The following SLX4 variants were observed in gnomAD, a reference collection of about 807,000 sequenced individuals.
SLX4 encodes the protein SLX4 structure-specific endonuclease subunit.
In SLX4, 112 loss-of-function variants were observed where a neutral mutation model predicts 146.2. The observed-to-expected ratio is 0.77, with a 90% CI of 0.66 to 0.90. SLX4 has a LOEUF of 0.90. Ranked by LOEUF, SLX4 falls within the 40% of genes least tolerant of loss-of-function variation. SLX4 has a pLI of 0.00. For missense variants in SLX4, 2,563 were observed against 2,392.7 expected (o/e 1.07, Z -1.49); for synonymous variants, 1,061 against 997.7 (o/e 1.06, Z -1.20).
chr16:3,589,635 C>CA lies in SLX4; in HGVS notation c.4002_4003insT (p.Gly1335TrpfsTer57). On this transcript the variant is annotated frameshift_variant, in exon 12 of 15. Transcript: ENST00000294008. LOFTEE classifies it high-confidence loss of function. This position sits in a 1 kb window ranked among gnomAD's most constrained non-coding sequence, Gnocchi z 6.2. ...GGGCTTCTGTGGCCTTGCCTTCTGC[C>CA]GTCAGAAGTTCCTGGAGAGACGGGA... 6.2e-7 allele frequency: 1 copy of CA among 1,613,978 alleles called. No individual in the cohort carries two copies. Among genetic ancestry groups the CA allele is most frequent in the Non-Finnish European group, 8.5e-7 (1 of 1,180,038 alleles).
Position 3,585,969 on chromosome 16 carries a change from C to T in SLX4, c.4637-1098G>A, listed in dbSNP as rs562295016. Among the ~76,000 whole-genome samples, 11 of 152,118 alleles carry T rather than the reference C, an allele frequency of 7.2e-5. 1 individual carries two copies. The South Asian group carries it at 1.7e-3, about 23-fold the overall frequency. Reference sequence around the variant, plus strand: ...AGCAAGCCATGAACACGCCACTGCACTCCAGCCTGGGCGACAGAGCAAGAC... The same window carrying T: ...AGCAAGCCATGAACACGCCACTGCATTCCAGCCTGGGCGACAGAGCAAGAC... On this transcript the variant is annotated intron_variant, in intron 12 of 14. Coordinates refer to ENST00000294008, the MANE Select transcript of SLX4 (RefSeq NM_032444.4).
intron 10 of SLX4, 134 bp downstream of exon 10, chr16:3,594,319 A>G (rs1220078634): frequency 2.4e-6 from 3 of 1,260,078 alleles, no homozygotes; most frequent in Non-Finnish European, 3.4e-6. Context: ...AGGTGAGAAC[A>G]TGGTGGGGCA....
Position 3,589,146 on chromosome 16 carries a change from G to C in SLX4, c.4492C>G (p.Leu1498Val). Residue 1498 changes from leucine (L) to valine (V), a missense_variant, in exon 12 of 15, where the codon CTG becomes GTG. Transcript: ENST00000294008. The surrounding 1 kb of genome is among the most constrained non-coding windows in gnomAD (Gnocchi z 6.2). ...LQEKSSGAGS[L>V]GNSRPSFLNS... Reference sequence around the variant, plus strand: ...AGAAAGCTCGGCCTGCTATTCCCCAGGGAGCCCGCGCCCGAGGACTTCTCT... The same window carrying C: ...AGAAAGCTCGGCCTGCTATTCCCCACGGAGCCCGCGCCCGAGGACTTCTCT... The C allele has an allele frequency of 6.2e-7, 1 of 1,614,080 alleles. No individual in the cohort carries two copies. The highest frequency in any genetic ancestry group is 1.1e-5 in the South Asian group (1 of 91,078).
intron 12 of SLX4, among the ~76,000 whole-genome samples, chr16:3,586,563 C>T (rs999611320): frequency 6.6e-6 from 1 of 152,088 alleles, no homozygotes; most frequent in Non-Finnish European, 1.5e-5. Flanking sequence ...GTAATCCCAG[C>T]ACTGTGGGAG....
Position 3,583,384 on chromosome 16 carries a change from C to G in SLX4, c.4866G>C (p.Gln1622His), listed in dbSNP as rs778309027. The G allele has an allele frequency of 2.5e-6, 4 of 1,613,090 alleles. No homozygotes were observed. In the South Asian group the frequency reaches 4.4e-5, roughly 18 times the overall value. ...AGGCGAGGGTCTGGCAGTGAGGCGCCTGCAACAGCGGCTGTGAGGACTGGC... is the reference window on the plus strand; with the variant it reads ...AGGCGAGGGTCTGGCAGTGAGGCGCGTGCAACAGCGGCTGTGAGGACTGGC... ...DESQSSQPLL[Q>H]APHCQTLASQ... Residue 1622 changes from glutamine to histidine, a missense_variant, in exon 14 of 15, where the codon CAG becomes CAC. Physicochemically the swap from Gln to His is conservative, Grantham distance 24. Coordinates refer to ENST00000294008, the MANE Select transcript of SLX4 (RefSeq NM_032444.4).
At chr16:3,601,952 T>C (rs1399048134) in intron 4 of SLX4, 166 bp downstream of exon 4, 1 of 747,366 alleles carries the variant, frequency 1.3e-6, no homozygotes. Flanking sequence ...AACTATATGT[T>C]CTGTGAATTG....
Position 3,596,017 on chromosome 16 carries a change from C to T in SLX4, c.1924+136G>A. On this transcript the variant is annotated intron_variant, in intron 8 of 14. Transcript: ENST00000294008. ...ACCTTTGAGAAAAAATGAAAGCGCC[C>T]AGAGGCTGCGTGTTCTCCCACCAGG... 3 of 1,329,734 alleles carry T rather than the reference C, an allele frequency of 2.3e-6. No individual in the cohort carries two copies. In the South Asian group the frequency reaches 4.5e-5, roughly 20 times the overall value. 82.4% of individuals were successfully genotyped at this position (1,329,734 alleles called of 1,614,324 possible).
chr16:3,589,798 G>A lies in SLX4; in HGVS notation c.3840C>T (p.Ser1280=), dbSNP rs767189475. Residue 1280 remains serine, a synonymous_variant, in exon 12 of 15, where the codon AGC becomes AGT. Coordinates refer to ENST00000294008, the MANE Select transcript of SLX4 (RefSeq NM_032444.4). This position sits in a 1 kb window ranked among gnomAD's most constrained non-coding sequence, Gnocchi z 6.2. ...SSQTQISSLR[S]GLAVQAVTQH... ...GAGTCACCGCCTGCACGGCCAGCCC[G>A]CTCCTGAGGCTGCTGATTTGGGTCT... 5.6e-6 allele frequency: 9 copies of A among 1,613,252 alleles called. No individual in the cohort carries two copies. The highest frequency in any genetic ancestry group is 3.3e-5 in the South Asian group (3 of 91,082).
In SLX4 at chr16:3,608,585, T is replaced by A. The variant is rs777266305; in HGVS notation, c.380A>T (p.Lys127Ile). Residue 127 changes from lysine (K) to isoleucine (I), a missense_variant, in exon 2 of 15, where the codon AAA becomes ATA. Transcript: ENST00000294008. ...GTGGGCCGGTTCACTTGCTTGCCAT[T>A]TGGTTACCCTTTGCTTTTTAGTCCT... ...APRTKKQRVT[K>I]WQASEPAHSV... 4 of 1,614,184 alleles carry A rather than the reference T, an allele frequency of 2.5e-6. No individual in the cohort carries two copies. Among genetic ancestry groups the A allele is most frequent in the Non-Finnish European group, 3.4e-6 (4 of 1,180,038 alleles).
intron 9 of SLX4, among the ~76,000 whole-genome samples, chr16:3,595,378 A>G (rs779752691): frequency 8.5e-5 from 13 of 152,182 alleles, no homozygotes; most frequent in Non-Finnish European, 1.8e-4. Context: ...CACAGACAGA[A>G]AAGGCAGAAG....
At chr16:3,591,430 C>T (rs1164388901) in intron 11 of SLX4, 120 bp from the exon 12 acceptor site, 1 of 1,438,606 alleles carries the variant, frequency 7.0e-7, no homozygotes, top group African/African-American at 1.4e-5. Flanking sequence ...GACCCAGGCC[C>T]TGCTTCCCTT....
chr16:3,594,652 C>T lies in SLX4; in HGVS notation c.2014-53G>A, dbSNP rs944174034. On this transcript the variant is annotated intron_variant, in intron 9 of 14. Coordinates refer to ENST00000294008, the MANE Select transcript of SLX4 (RefSeq NM_032444.4). ...CACCTCCCCACCTCTGCTCTGCTAA[C>T]TGGGCAGTGGGAAGCTCCCCGCATG... 5.6e-6 allele frequency: 9 copies of T among 1,612,580 alleles called. No homozygotes were observed. The African/African-American group carries it at 9.3e-5, about 17-fold the overall frequency.
intron 5 of SLX4, 147 bp from the exon 6 acceptor site, chr16:3,598,146 C>A: frequency 1.1e-6 from 1 of 886,670 alleles, no homozygotes. Flanking sequence ...CTTCCACTGC[C>A]TTGTGTGAAC....
At chr16:3,600,197 CA>C (rs1402531901) in intron 5 of SLX4, among the ~76,000 whole-genome samples, 4 of 152,182 alleles carry the variant, frequency 2.6e-5, no homozygotes, top group Non-Finnish European at 4.4e-5. Context: ...CGGCTCACAA[CA>C]GGGTTTGTGT....
chr16:3,607,624 G>C (rs1056473249), intron 2 of SLX4, among the ~76,000 whole-genome samples: 8 of 152,168 alleles, frequency 5.3e-5, no homozygotes, highest in African/African-American at 1.9e-4. Context: ...GGTCAAGGCT[G>C]CAGTAAGCTA....
At chr16:3,610,828 T>G (rs1197236886) in intron 1 of SLX4, among the ~76,000 whole-genome samples, 1 of 152,080 alleles carries the variant, frequency 6.6e-6, no homozygotes, top group African/African-American at 2.4e-5. Context: ...TTCGGTATAA[T>G]GGGAGTAGAG....
At position 3,591,064 on chromosome 16, in the gene SLX4, T is replaced by C. The variant is rs2040587594; in HGVS notation, c.2574A>G (p.Ala858=). 1 of 1,614,196 alleles carries C rather than the reference T, an allele frequency of 6.2e-7. No homozygotes were observed. The highest frequency in any genetic ancestry group is 8.5e-7 in the Non-Finnish European group (1 of 1,180,040). ...EAEMEEIYEF[A]ATQRKLLQEE... Reference sequence around the variant, plus strand: ...CCTGGAGAAGCTTTCGCTGAGTAGCTGCAAATTCATAAATTTCTTCCATTT... The same window carrying C: ...CCTGGAGAAGCTTTCGCTGAGTAGCCGCAAATTCATAAATTTCTTCCATTT... Residue 858 remains alanine, a synonymous_variant, in exon 12 of 15, where the codon GCA becomes GCG. Transcript: ENST00000294008.
chr16:3,595,686 G>A lies in SLX4; in HGVS notation c.1932C>T (p.Asp644=), dbSNP rs562351012. 56 of 1,614,066 alleles carry A rather than the reference G, an allele frequency of 3.5e-5. No individual in the cohort carries two copies. Among genetic ancestry groups the A allele is most frequent in the East Asian group, 1.1e-4 (5 of 44,858 alleles). The change falls in exon 9 of 15, where the codon GAC becomes GAT. Residue 644 remains aspartate, a synonymous_variant. Coordinates refer to ENST00000294008, the MANE Select transcript of SLX4 (RefSeq NM_032444.4). ...LAGSEGTAGL[D]VVPGGLPLTG... is the part of the protein sequence containing the mutation. ...TCAGAGGAAGGCCGCCGGGCACCACGTCCAACCCTGAGTGGAGGATTCACA... is the reference window on the plus strand; with the variant it reads ...TCAGAGGAAGGCCGCCGGGCACCACATCCAACCCTGAGTGGAGGATTCACA...
intron 12 of SLX4, among the ~76,000 whole-genome samples, chr16:3,586,803 G>A (rs2040513224): frequency 2.0e-5 from 3 of 149,208 alleles, no homozygotes; most frequent in Admixed American, 2.0e-4. Context: ...GGGCAACAGA[G>A]AGAGGCTCCG....
Sources: gnomAD v4.1 joint callset for allele counts (sites outside exome capture counted in the v4.1 genomes callset) on GRCh38, gnomAD v4.1.1 for gene constraint, Gnocchi (gnomAD v3.1) non-coding constraint, MANE v1.5 for transcripts, NCBI Gene and HGNC (gene_info 2026-07-23, HGNC 2026-07-21) for gene names.